ZNF423: variants seen among roughly 807,000 people sequenced by gnomAD.
ZNF423 encodes zinc finger protein 423.
ZNF423 carries 12 observed loss-of-function variants against 95.8 expected under a neutral mutation model. The ratio of observed to expected loss-of-function variants is 0.13; its 90% confidence interval spans 0.08 to 0.20. The LOEUF (loss-of-function observed/expected upper bound fraction) is 0.20, where lower values mean the gene tolerates loss of function less well. Ranked by LOEUF, ZNF423 falls within the 10% of genes least tolerant of loss-of-function variation. ZNF423 has a pLI of 1.00. For missense variants in ZNF423, 1,316 were observed against 1,737.1 expected (o/e 0.76, Z 4.31); for synonymous variants, 749 against 711.9 (o/e 1.05, Z -0.83).
intron 5 of ZNF423, among the ~76,000 whole-genome samples, chr16:49,591,884 T>C (rs989852247): frequency 1.1e-4 from 16 of 152,170 alleles, no homozygotes; most frequent in South Asian, 2.1e-4. Context: ...AAGTCAGGGT[T>C]GTGGTCCTCT....
At chr16:49,594,353 C>T (rs1971115175) in intron 5 of ZNF423, among the ~76,000 whole-genome samples, 1 of 152,104 alleles carries the variant, frequency 6.6e-6, no homozygotes, top group Non-Finnish European at 1.5e-5. Flanking sequence ...CTTGCGGTAA[C>T]ACAGCCAGCT....
Position 49,492,415 on chromosome 16 carries a change from G to C in ZNF423, c.3850-1111C>G, listed in dbSNP as rs1437997911. ...CAGCAGAGGCACCGCGTCTCTCCTG[G>C]GCTCGGGTCCGCGGCGAGGGCGACC... On this transcript the variant is annotated intron_variant, in intron 7 of 7. Transcript: ENST00000563137. This position sits in a 1 kb window ranked among gnomAD's most constrained non-coding sequence, Gnocchi z 4.2. 7.9e-5 allele frequency among the ~76,000 whole-genome samples: 12 copies of C among 152,256 alleles called. No individual in the cohort carries two copies. In the East Asian group the frequency reaches 2.3e-3, roughly 30 times the overall value.
In ZNF423 at chr16:49,707,514, G is replaced by A. The variant is rs577657699; in HGVS notation, c.301+23257C>T. ...CGCTTGTAATCCCAGCTACTCGGGA[G>A]GCTGAGGCAGGAGAATCATTTGAAC... On this transcript the variant is annotated intron_variant, in intron 3 of 7. Coordinates refer to ENST00000563137, the MANE Select transcript of ZNF423 (RefSeq NM_001379286.1). Among the ~76,000 whole-genome samples, 33 of 151,910 alleles carry A rather than the reference G, an allele frequency of 2.2e-4. No individual in the cohort carries two copies. The South Asian group carries it at 5.9e-3, about 27-fold the overall frequency.
At chr16:49,845,348 G>GC (rs2035233987) in intron 1 of ZNF423, among the ~76,000 whole-genome samples, 1 of 150,580 alleles carries the variant, frequency 6.6e-6, no homozygotes, top group African/African-American at 2.4e-5. Context: ...CAGGTGATCT[G>GC]CCCCCCTCAG....
intron 5 of ZNF423, among the ~76,000 whole-genome samples, chr16:49,574,730 G>A (rs551066652): frequency 1.1e-4 from 16 of 152,136 alleles, no homozygotes; most frequent in Middle Eastern, 3.4e-3. Flanking sequence ...ATCCCACCTC[G>A]CCCTGCCCTG....
At chr16:49,836,875 C>G (rs867732157) in intron 1 of ZNF423, among the ~76,000 whole-genome samples, 1 of 152,150 alleles carries the variant, frequency 6.6e-6, no homozygotes, top group Non-Finnish European at 1.5e-5. Context: ...CCAACACGTC[C>G]CAGTAGGAAA....
intron 7 of ZNF423, among the ~76,000 whole-genome samples, chr16:49,519,870 T>G (rs1382457436): frequency 6.6e-6 from 1 of 152,184 alleles, no homozygotes; most frequent in Non-Finnish European, 1.5e-5. Context: ...GTGCTTCAGC[T>G]GCACTCTGCC....
intron 2 of ZNF423, among the ~76,000 whole-genome samples, chr16:49,782,133 G>C (rs1300565454): frequency 6.6e-6 from 1 of 152,254 alleles, no homozygotes; most frequent in East Asian, 1.9e-4. Flanking sequence ...AGAGCTGGCT[G>C]CAGTCAGACT....
At chr16:49,715,570 A>AT (rs1478580016) in intron 3 of ZNF423, among the ~76,000 whole-genome samples, 2 of 152,034 alleles carry the variant, frequency 1.3e-5, no homozygotes, top group Admixed American at 6.6e-5. Context: ...CCAAGACCAC[A>AT]TTTTTTCAAA....
intron 2 of ZNF423, among the ~76,000 whole-genome samples, chr16:49,735,496 C>T (rs190047989): frequency 3.3e-5 from 5 of 152,286 alleles, no homozygotes; most frequent in African/African-American, 1.2e-4. Context: ...TGCAGGGAGA[C>T]CTTGACTCCC....
chr16:49,753,241 C>T (rs190101130), intron 2 of ZNF423, among the ~76,000 whole-genome samples: 15 of 151,528 alleles, frequency 9.9e-5, no homozygotes, highest in Admixed American at 3.3e-4. Flanking sequence ...AAGACTCTGT[C>T]TCAAAGCAAA....
At chr16:49,559,438 T>C (rs1489129439) in intron 5 of ZNF423, among the ~76,000 whole-genome samples, 3 of 152,156 alleles carry the variant, frequency 2.0e-5, no homozygotes, top group African/African-American at 7.2e-5. Context: ...CCAGGGAACA[T>C]CCTCACCAGT....
At chr16:49,621,385 G>T (rs1276008701) in intron 5 of ZNF423, among the ~76,000 whole-genome samples, 1 of 152,140 alleles carries the variant, frequency 6.6e-6, no homozygotes. Flanking sequence ...TCCCCTCCAA[G>T]CAGCAGCCAG....
At chr16:49,828,991 A>C (rs1363319719) in intron 1 of ZNF423, among the ~76,000 whole-genome samples, 4 of 151,530 alleles carry the variant, frequency 2.6e-5, no homozygotes, top group Non-Finnish European at 2.9e-5. Context: ...GCCCTCATTC[A>C]CCCTCCAATG....
intron 2 of ZNF423, among the ~76,000 whole-genome samples, chr16:49,750,470 G>A (rs1440335738): frequency 1.3e-5 from 2 of 152,218 alleles, no homozygotes; most frequent in Non-Finnish European, 2.9e-5. Flanking sequence ...CCAACTGCCA[G>A]CACTGAGTCA....
At chr16:49,844,776 G>A (rs532453514) in intron 1 of ZNF423, among the ~76,000 whole-genome samples, 3 of 151,996 alleles carry the variant, frequency 2.0e-5, no homozygotes, top group African/African-American at 7.3e-5. Context: ...TGTGGCTCAC[G>A]CCTGTAATCC....
chr16:49,513,226 C>T (rs1388920025), intron 7 of ZNF423, among the ~76,000 whole-genome samples: 1 of 152,222 alleles, frequency 6.6e-6, no homozygotes, highest in Non-Finnish European at 1.5e-5. Flanking sequence ...CAGGTTCTCA[C>T]TCCCTGGAAC....
chr16:49,740,734 C>T (rs2033397549), intron 2 of ZNF423, among the ~76,000 whole-genome samples: 1 of 152,212 alleles, frequency 6.6e-6, no homozygotes, highest in East Asian at 1.9e-4. Context: ...GGCTACATCA[C>T]ACAAGCCTTG....
chr16:49,557,236 C>T (rs1207543501), intron 5 of ZNF423, among the ~76,000 whole-genome samples: 1 of 152,218 alleles, frequency 6.6e-6, no homozygotes, highest in Non-Finnish European at 1.5e-5. Flanking sequence ...GCGCGAGCAG[C>T]TCCCCAGGGT....
Sources: allele counts gnomAD v4.1 joint callset (sites outside exome capture counted in the v4.1 genomes callset), GRCh38; gene constraint gnomAD v4.1.1; non-coding constraint Gnocchi (gnomAD v3.1); transcripts MANE v1.5; gene names NCBI Gene and HGNC (gene_info 2026-07-23, HGNC 2026-07-21).